CREB5: variants seen among roughly 807,000 people sequenced by gnomAD.
CREB5 encodes the protein cyclic AMP-responsive element-binding protein 5.
CREB5 carries 19 observed loss-of-function variants against 57.1 expected under a neutral mutation model. The ratio of observed to expected loss-of-function variants is 0.33; its 90% CI spans 0.23 to 0.49. The LOEUF (loss-of-function observed/expected upper bound fraction) is 0.49, where lower values mean the gene tolerates loss of function less well. Ranked by LOEUF, CREB5 falls within the 20% of genes least tolerant of loss-of-function variation. The pLI is 0.99. For synonymous variants in CREB5, 238 were observed against 238.3 expected, an observed-to-expected ratio of 1.00 and a Z score of 0.01; for missense variants, 579 against 671.6, an observed-to-expected ratio of 0.86 and a Z score of 1.52.
At chr7:28,319,964 T>C (rs1785463265) in intron 1 of CREB5, among the ~76,000 whole-genome samples, 1 of 152,132 alleles carries the variant, frequency 6.6e-6, no homozygotes, top group Non-Finnish European at 1.5e-5. Context: ...AAGTTCTCGC[T>C]CTGTCACTCA....
intron 4 of CREB5, among the ~76,000 whole-genome samples, chr7:28,523,050 T>C (rs1002416788): frequency 3.3e-5 from 5 of 152,078 alleles, no homozygotes; most frequent in Admixed American, 1.3e-4. Context: ...ATTTGGTGAG[T>C]GAAGAGGTAT....
chr7:28,587,172 TACA>T lies in CREB5; in HGVS notation c.464+16640_464+16642del, dbSNP rs566934528. 9.9e-3 allele frequency among the ~76,000 whole-genome samples: 1,504 copies of T among 152,324 alleles called. 10 individuals carry two copies. Among genetic ancestry groups the T allele is most frequent in the Non-Finnish European group, 0.014 (953 of 68,030 alleles). Reference sequence around the variant, plus strand: ...TTGAGGAGACTCAGAGAAAGTACAGTACAACAAGATTAAAAGCAAGACAAAACA... The same window carrying T: ...TTGAGGAGACTCAGAGAAAGTACAGTACAAGATTAAAAGCAAGACAAAACA... On this transcript the variant is annotated intron_variant, in intron 5 of 10. Transcript: ENST00000357727.
At chr7:28,789,611 A>G (rs1207996536) in intron 7 of CREB5, among the ~76,000 whole-genome samples, 1 of 152,256 alleles carries the variant, frequency 6.6e-6, no homozygotes, top group East Asian at 1.9e-4. Flanking sequence ...TGTGAGATCA[A>G]AATTAAGCAA....
At position 28,708,137 on chromosome 7, in the gene CREB5, AG is replaced by A. The variant is rs1802215684; in HGVS notation, c.465-10615del. On this transcript the variant is annotated intron_variant, in intron 5 of 10. Transcript: ENST00000357727. Reference sequence around the variant, plus strand: ...GAAGCTCTCTGTTAGGATATAACCCAGTGAAGAGTTTGCTCAGCCTTGTTAG... The same window carrying A: ...GAAGCTCTCTGTTAGGATATAACCCATGAAGAGTTTGCTCAGCCTTGTTAG... Among the ~76,000 whole-genome samples, 22 of 152,342 alleles carry A rather than the reference AG, an allele frequency of 1.4e-4. No individual in the cohort carries two copies. The South Asian group carries it at 4.3e-3, about 30-fold the overall frequency.
At chr7:28,657,738 A>AAAAAAAAAT (rs1554281277) in intron 5 of CREB5, among the ~76,000 whole-genome samples, 32 of 139,812 alleles carry the variant, frequency 2.3e-4, no homozygotes, top group Middle Eastern at 3.7e-3. Context: ...AAAAAAAAAA[A>AAAAAAAAAT]GAATAAAATT....
intron 3 of CREB5, among the ~76,000 whole-genome samples, chr7:28,496,496 G>C (rs930390706): frequency 6.6e-6 from 1 of 152,168 alleles, no homozygotes; most frequent in African/African-American, 2.4e-5. Flanking sequence ...GTTATTGACA[G>C]GGGAGGAAGG....
At chr7:28,737,584 T>TATATATATATATATATAA (rs1562606948) in intron 7 of CREB5, among the ~76,000 whole-genome samples, 1 of 27,558 alleles carries the variant, frequency 3.6e-5, no homozygotes, top group African/African-American at 1.1e-4. Context: ...TATATATATA[T>TATATATATATATATATAA]ATATTTTTAA....
intron 1 of CREB5, among the ~76,000 whole-genome samples, chr7:28,357,529 A>T (rs1049468900): frequency 1.3e-5 from 2 of 151,988 alleles, no homozygotes; most frequent in African/African-American, 2.4e-5. Context: ...TTAAAGAAAA[A>T]TTTTTTTCGT....
intron 7 of CREB5, among the ~76,000 whole-genome samples, chr7:28,780,512 C>T (rs933970440): frequency 1.3e-5 from 2 of 151,998 alleles, no homozygotes; most frequent in African/African-American, 2.4e-5. Context: ...ACTTGAGGTC[C>T]GGAGTTTGAG....
At chr7:28,530,993 T>G (rs1393177445) in intron 4 of CREB5, among the ~76,000 whole-genome samples, 1 of 152,192 alleles carries the variant, frequency 6.6e-6, no homozygotes, top group Non-Finnish European at 1.5e-5. Flanking sequence ...GACTGTCTAT[T>G]CTGAGTTTTT....
At chr7:28,324,984 C>T (rs1021671714) in intron 1 of CREB5, among the ~76,000 whole-genome samples, 14 of 152,222 alleles carry the variant, frequency 9.2e-5, no homozygotes, top group African/African-American at 3.1e-4. Context: ...CTTGTCAACG[C>T]TTCTTTCAGA....
chr7:28,772,631 A>C (rs915785637), intron 7 of CREB5, among the ~76,000 whole-genome samples: 2 of 152,224 alleles, frequency 1.3e-5, no homozygotes, highest in African/African-American at 4.8e-5. Flanking sequence ...TTTGAGAGAC[A>C]TTTTCAAGCT....
intron 5 of CREB5, among the ~76,000 whole-genome samples, chr7:28,646,291 CA>C (rs1198308567): frequency 1.3e-5 from 2 of 152,108 alleles, no homozygotes; most frequent in Non-Finnish European, 2.9e-5. Context: ...AGCAATTTTT[CA>C]GTCTAAAGAT....
At position 28,643,687 on chromosome 7, in the gene CREB5, G is replaced by C. The variant is rs1021067449; in HGVS notation, c.464+73150G>C. 2.6e-5 allele frequency among the ~76,000 whole-genome samples: 4 copies of C among 151,640 alleles called. No homozygotes were observed. In the East Asian group the frequency reaches 7.7e-4, roughly 29 times the overall value. ...CAATCACCATCACTACTTTGTGCTA[G>C]AGGCAAATCTCCATAAGAAAGTTGT... On this transcript the variant is annotated intron_variant, in intron 5 of 10. Transcript: ENST00000357727.
intron 7 of CREB5, among the ~76,000 whole-genome samples, chr7:28,724,993 T>C (rs969773770): frequency 6.6e-6 from 1 of 152,246 alleles, no homozygotes; most frequent in African/African-American, 2.4e-5. Flanking sequence ...GTCTTTGCAA[T>C]ATAAAGTAAG....
chr7:28,622,242 T>TTC (rs746423295), intron 5 of CREB5, among the ~76,000 whole-genome samples: 11,995 of 138,836 alleles, frequency 0.086, 493 homozygotes, highest in Non-Finnish European at 0.1. Context: ...TATACACACA[T>TTC]TCTCTCTCTC....
chr7:28,601,783 T>A (rs559933933), intron 5 of CREB5, among the ~76,000 whole-genome samples: 1 of 152,310 alleles, frequency 6.6e-6, no homozygotes, highest in Admixed American at 6.5e-5. Flanking sequence ...TCTTGGAGAT[T>A]GTTAATTCAG....
chr7:28,489,576 C>G (rs530508231), intron 2 of CREB5, among the ~76,000 whole-genome samples: 1 of 152,076 alleles, frequency 6.6e-6, no homozygotes. Context: ...GCTGGGATTA[C>G]AGGCGTGAGC....
chr7:28,753,569 ACCC>A (rs1214955971), intron 7 of CREB5, among the ~76,000 whole-genome samples: 7 of 152,172 alleles, frequency 4.6e-5, no homozygotes, highest in Non-Finnish European at 1.0e-4. Flanking sequence ...TTCCATAGGT[ACCC>A]TTTGGGGAGA....
Sources: gnomAD v4.1 joint callset for allele counts (sites outside exome capture counted in the v4.1 genomes callset) on GRCh38, gnomAD v4.1.1 for gene constraint, MANE v1.5 for transcripts, NCBI Gene and HGNC (gene_info 2026-07-23, HGNC 2026-07-21) for gene names.